OSBPL3: variants seen among roughly 807,000 people sequenced by gnomAD.
OSBPL3 encodes the protein oxysterol-binding protein-related protein 3.
OSBPL3 carries 65 observed loss-of-function variants against 120.1 expected under a neutral mutation model. The observed-to-expected ratio is 0.54, with a 90% confidence interval of 0.44 to 0.67. OSBPL3 has a LOEUF of 0.67. Among genes scored for constraint, OSBPL3 ranks in the 30% least tolerant of loss-of-function variants. The pLI is 0.00. For synonymous variants in OSBPL3, 416 were observed against 402.6 expected (o/e 1.03, Z -0.40); for missense variants, 1,004 against 1,082.1 (o/e 0.93, Z 1.01).
chr7:24,885,915 C>T (rs1804463101), intron 2 of OSBPL3, among the ~76,000 whole-genome samples: 2 of 152,112 alleles, frequency 1.3e-5, no homozygotes, highest in Admixed American at 1.3e-4. Context: ...GAATGTGTTA[C>T]TTTGAAAATT....
chr7:24,892,544 T>C lies in OSBPL3; in HGVS notation c.-72A>G. 1.2e-5 allele frequency: 19 copies of C among 1,561,074 alleles called. No individual in the cohort carries two copies. The South Asian group carries it at 1.3e-4, about 11-fold the overall frequency. ...GACAAGGGAGCCGAGAGTATGGAAG[T>C]CCCCAGTGGCAGGTGGTTTAGCTCT... On this transcript the variant is annotated 5_prime_UTR_variant, in exon 2 of 23. Transcript: ENST00000313367.
intron 1 of OSBPL3, among the ~76,000 whole-genome samples, chr7:24,969,508 G>T (rs1428399430): frequency 6.6e-6 from 1 of 152,024 alleles, no homozygotes; most frequent in East Asian, 1.9e-4. Context: ...ATAGCATCTG[G>T]ATTTTGTGTC....
Position 24,926,090 on chromosome 7 carries a change from A to C in OSBPL3, c.-149-33469T>G, listed in dbSNP as rs180910067. Among the ~76,000 whole-genome samples, 307 of 152,296 alleles carry C rather than the reference A, an allele frequency of 2.0e-3. 2 individuals are homozygous for C. Among genetic ancestry groups the C allele is most frequent in the African/African-American group, 6.9e-3 (285 of 41,554 alleles). On this transcript the variant is annotated intron_variant, in intron 1 of 22. Transcript: ENST00000313367. Reference sequence around the variant, plus strand: ...GGGCTAGGTATGCCGTGGTCATTGGATCCTACTATTTCTTTGTGTCTAGAA... The same window carrying C: ...GGGCTAGGTATGCCGTGGTCATTGGCTCCTACTATTTCTTTGTGTCTAGAA...
intron 2 of OSBPL3, among the ~76,000 whole-genome samples, chr7:24,878,110 A>T (rs1803095038): frequency 6.6e-6 from 1 of 152,244 alleles, no homozygotes; most frequent in South Asian, 2.1e-4. Context: ...AAAGGCAGCT[A>T]AGCATTTATT....
intron 14 of OSBPL3, among the ~76,000 whole-genome samples, chr7:24,836,599 C>T (rs1345201718): frequency 1.3e-5 from 2 of 152,134 alleles, no homozygotes; most frequent in Non-Finnish European, 2.9e-5. Flanking sequence ...TCCTATCCTC[C>T]ATTGTGCCTG....
chr7:24,874,361 T>TGCA (rs763289341), intron 2 of OSBPL3, among the ~76,000 whole-genome samples: 4 of 152,234 alleles, frequency 2.6e-5, no homozygotes, highest in Non-Finnish European at 5.9e-5. Context: ...AGAAGCAACC[T>TGCA]GCAGAGCACT....
At chr7:24,901,161 T>G (rs1001660665) in intron 1 of OSBPL3, among the ~76,000 whole-genome samples, 4 of 151,876 alleles carry the variant, frequency 2.6e-5, no homozygotes, top group African/African-American at 9.7e-5. Context: ...ACCCTGTCTC[T>G]ACTAAAAATA....
rs771237390 is a variant in OSBPL3 at position 24,842,395 on chromosome 7, T to C, written c.1285A>G (p.Asn429Asp). ...GAAAGCTGATGAACTAGAGCTCGGT[T>C]TTCATCTCTGGAGTTTTCCTATTTG... ...NLAEENSRDENRALVHQLSNE... is the reference protein window; with the variant it reads ...NLAEENSRDEDRALVHQLSNE... The change falls in exon 13 of 23, where the codon AAC becomes GAC. Residue 429 changes from asparagine to aspartate, a missense_variant. Transcript: ENST00000313367. 1.2e-6 allele frequency: 2 copies of C among 1,608,652 alleles called. No homozygotes were observed. Among genetic ancestry groups the C allele is most frequent in the East Asian group, 2.2e-5 (1 of 44,856 alleles).
intron 14 of OSBPL3, among the ~76,000 whole-genome samples, chr7:24,839,232 T>C (rs974603414): frequency 1.3e-5 from 2 of 152,092 alleles, no homozygotes; most frequent in African/African-American, 4.8e-5. Context: ...ACCTAGAGAC[T>C]CCAAGGCAGA....
chr7:24,942,036 G>A (rs1235711559), intron 1 of OSBPL3, among the ~76,000 whole-genome samples: 1 of 152,080 alleles, frequency 6.6e-6, no homozygotes, highest in Non-Finnish European at 1.5e-5. Flanking sequence ...CAACAGAAAA[G>A]AAAAAGCTTT....
In OSBPL3 at chr7:24,855,784, CAA is replaced by C. The variant is rs1799769492; in HGVS notation, c.1028-3152_1028-3151del. ...AACATGAATCTAAGCTTACTAGAGA[CAA>C]ATAAACAGCTTTAAAAAATAGAAGA... is the stretch of plus-strand genomic sequence containing the variant. On this transcript the variant is annotated intron_variant, in intron 10 of 22. Coordinates refer to ENST00000313367, the MANE Select transcript of OSBPL3 (RefSeq NM_015550.4). The surrounding 1 kb of genome is among the most constrained non-coding windows in gnomAD (Gnocchi z 4.3). Among the ~76,000 whole-genome samples, 1 of 152,146 alleles carries C rather than the reference CAA, an allele frequency of 6.6e-6. No homozygotes were observed. Among genetic ancestry groups the C allele is most frequent in the South Asian group, 2.1e-4 (1 of 4,816 alleles).
Position 24,922,455 on chromosome 7 carries a change from G to T in OSBPL3, c.-149-29834C>A, listed in dbSNP as rs1033586930. The stretch of plus-strand genomic sequence containing the variant: ...AGCGTGGGAGGGAAATTAAGTTTTC[G>T]GTGGATACTGTGGTGCTTTTAGAGT... On this transcript the variant is annotated intron_variant, in intron 1 of 22. Transcript: ENST00000313367. The surrounding 1 kb of genome is among the most constrained non-coding windows in gnomAD (Gnocchi z 4.3). 3.9e-5 allele frequency among the ~76,000 whole-genome samples: 6 copies of T among 152,100 alleles called. No individual in the cohort carries two copies. Among genetic ancestry groups the T allele is most frequent in the African/African-American group, 1.4e-4 (6 of 41,406 alleles).
chr7:24,810,153 C>T (rs979253287), intron 19 of OSBPL3: 1 of 545,892 alleles, frequency 1.8e-6, no homozygotes, highest in Non-Finnish European at 3.2e-6. Flanking sequence ...TGTCTTGAAA[C>T]ATGTATACAT....
In OSBPL3 at chr7:24,862,566, G is replaced by A. The variant is rs116900781; in HGVS notation, c.870+634C>T. Among the ~76,000 whole-genome samples the A allele has an allele frequency of 0.012, 1,781 of 152,260 alleles. 23 individuals are homozygous for A. Among genetic ancestry groups the A allele is most frequent in the Non-Finnish European group, 0.014 (961 of 68,032 alleles). Reference sequence around the variant, plus strand: ...ACTTTGAACCAAAGAGTGTACACAAGTGTATCAGGTGACCTAACCAAAAGC... The same window carrying A: ...ACTTTGAACCAAAGAGTGTACACAAATGTATCAGGTGACCTAACCAAAAGC... On this transcript the variant is annotated intron_variant, in intron 9 of 22. Coordinates refer to ENST00000313367, the MANE Select transcript of OSBPL3 (RefSeq NM_015550.4). This position sits in a 1 kb window ranked among gnomAD's most constrained non-coding sequence, Gnocchi z 4.4.
chr7:24,844,235 T>C (rs1272104143), intron 12 of OSBPL3, among the ~76,000 whole-genome samples: 1 of 152,204 alleles, frequency 6.6e-6, no homozygotes, highest in Non-Finnish European at 1.5e-5. Context: ...ACTGGTTGCT[T>C]ATCTATTGTT....
At position 24,913,558 on chromosome 7, in the gene OSBPL3, G is replaced by T. The variant is rs1157781412; in HGVS notation, c.-149-20937C>A. ...AATCAGCTGACAAAGGCCGGTATGT[G>T]TCTGATAGTGACAGACACATCACAA... On this transcript the variant is annotated intron_variant, in intron 1 of 22. Coordinates refer to ENST00000313367, the MANE Select transcript of OSBPL3 (RefSeq NM_015550.4). The surrounding 1 kb of genome is among the most constrained non-coding windows in gnomAD (Gnocchi z 5.3). Among the ~76,000 whole-genome samples, 6 of 152,218 alleles carry T rather than the reference G, an allele frequency of 3.9e-5. No individual in the cohort carries two copies. Among genetic ancestry groups the T allele is most frequent in the African/African-American group, 1.2e-4 (5 of 41,530 alleles).
intron 14 of OSBPL3, among the ~76,000 whole-genome samples, chr7:24,837,478 A>G (rs1019997835): frequency 4.6e-5 from 7 of 152,206 alleles, no homozygotes; most frequent in Non-Finnish European, 8.8e-5. Context: ...TGTTGGGATT[A>G]TAGGTGTGAG....
At chr7:24,924,940 T>A (rs1452921799) in intron 1 of OSBPL3, among the ~76,000 whole-genome samples, 1 of 152,220 alleles carries the variant, frequency 6.6e-6, no homozygotes, top group Non-Finnish European at 1.5e-5. Flanking sequence ...TTACCCTTTT[T>A]CATTTCTTTT....
intron 16 of OSBPL3, among the ~76,000 whole-genome samples, chr7:24,829,532 TGATAAAG>T (rs939887105): frequency 1.3e-5 from 2 of 152,068 alleles, no homozygotes; most frequent in African/African-American, 4.8e-5. Context: ...GCAAATCCAT[TGATAAAG>T]AGAGCAGCAA....
Sources: allele counts gnomAD v4.1 joint callset (sites outside exome capture counted in the v4.1 genomes callset), GRCh38; gene constraint gnomAD v4.1.1; non-coding constraint Gnocchi (gnomAD v3.1); transcripts MANE v1.5; gene names NCBI Gene and HGNC (gene_info 2026-07-23, HGNC 2026-07-21).